Variants in RNF130 observed in about 807,000 individuals in gnomAD.
The protein encoded by RNF130 is ring finger protein 130.
In RNF130, 21 loss-of-function variants were observed where a neutral mutation model predicts 44.6. The observed-to-expected ratio is 0.47, with a 90% CI of 0.33 to 0.68. The LOEUF (loss-of-function observed/expected upper bound fraction) is 0.68. RNF130 is among the 30% of genes least tolerant of loss of function. The pLI is 0.02. For synonymous variants in RNF130, 214 were observed against 210.4 expected (o/e 1.02, Z -0.15); for missense variants, 479 against 560.6 (o/e 0.85, Z 1.47).
chr5:179,990,969 G>A (rs1471916832), intron 3 of RNF130, among the ~76,000 whole-genome samples: 1 of 152,078 alleles, frequency 6.6e-6, no homozygotes, highest in African/African-American at 2.4e-5. Context: ...TATTGGAATA[G>A]CTCGTGCCCT....
At chr5:180,045,715 G>A (rs1764549076) in intron 1 of RNF130, among the ~76,000 whole-genome samples, 1 of 152,202 alleles carries the variant, frequency 6.6e-6, no homozygotes, top group South Asian at 2.1e-4. Context: ...CCTTGAGTTA[G>A]ACACAGAGTG....
At chr5:179,981,374 G>A (rs1039925021) in intron 3 of RNF130, among the ~76,000 whole-genome samples, 1 of 152,206 alleles carries the variant, frequency 6.6e-6, no homozygotes, top group African/African-American at 2.4e-5. Context: ...GACGGAGCAA[G>A]GCGGGGACCA....
intron 7 of RNF130, among the ~76,000 whole-genome samples, chr5:179,931,725 A>G (rs1217055690): frequency 1.3e-5 from 2 of 151,890 alleles, no homozygotes; most frequent in African/African-American, 4.8e-5. Flanking sequence ...CAGTGAGCTG[A>G]GATGGTGCCA....
intron 1 of RNF130, among the ~76,000 whole-genome samples, chr5:180,056,512 C>T (rs939856572): frequency 2.0e-5 from 3 of 152,200 alleles, no homozygotes; most frequent in Middle Eastern, 3.4e-3. Context: ...GAGGGAAATG[C>T]CTCAGTTTCT....
At chr5:179,969,134 T>TAA (rs992804319) in intron 6 of RNF130, among the ~76,000 whole-genome samples, 2 of 152,204 alleles carry the variant, frequency 1.3e-5, no homozygotes, top group African/African-American at 4.8e-5. Context: ...CTTTCATTCT[T>TAA]TTTTGAGACC....
chr5:179,934,080 A>C, intron 7 of RNF130: 1 of 249,034 alleles, frequency 4.0e-6, no homozygotes, highest in Non-Finnish European at 7.8e-6. Context: ...TCATCACCGC[A>C]GTTAGAAACC....
chr5:179,992,928 A>T (rs942719650), intron 3 of RNF130, among the ~76,000 whole-genome samples: 2 of 152,050 alleles, frequency 1.3e-5, no homozygotes, highest in African/African-American at 2.4e-5. Context: ...CCTGTGTCCA[A>T]GTGTTCTCAT....
chr5:179,950,647 T>C (rs987714187), downstream of RNF130, among the ~76,000 whole-genome samples: 1 of 152,262 alleles, frequency 6.6e-6, no homozygotes, highest in Non-Finnish European at 1.5e-5. Context: ...AGTCCCAATC[T>C]ATCAATTCAC....
intron 8 of RNF130, chr5:179,955,906 G>A: frequency 9.8e-6 from 4 of 407,290 alleles, no homozygotes; most frequent in Non-Finnish European, 1.8e-5. Context: ...GAAGGAAAAG[G>A]TCAGGCCCAT....
At chr5:179,982,269 T>C (rs987545907) in intron 3 of RNF130, among the ~76,000 whole-genome samples, 1 of 151,482 alleles carries the variant, frequency 6.6e-6, no homozygotes, top group Non-Finnish European at 1.5e-5. Context: ...ACTGAAGAGA[T>C]GGCCCACAAT....
intron 7 of RNF130, among the ~76,000 whole-genome samples, chr5:179,932,360 C>T (rs1272798608): frequency 1.3e-5 from 2 of 151,960 alleles, no homozygotes; most frequent in Non-Finnish European, 2.9e-5. Context: ...CAGGTTCAAG[C>T]GATTCTCCTC....
chr5:179,974,288 G>A (rs143358591), intron 5 of RNF130, among the ~76,000 whole-genome samples: 44 of 152,218 alleles, frequency 2.9e-4, no homozygotes, highest in South Asian at 1.7e-3. Context: ...TCATCCACGC[G>A]GCAACTCCAC....
intron 7 of RNF130, among the ~76,000 whole-genome samples, chr5:179,945,201 A>C (rs1242261960): frequency 6.6e-6 from 1 of 152,058 alleles, no homozygotes. Context: ...GGGCTGCAGG[A>C]GTTCTCGCCC....
intron 1 of RNF130, among the ~76,000 whole-genome samples, chr5:180,056,263 A>C (rs1561710272): frequency 6.6e-6 from 1 of 152,108 alleles, no homozygotes; most frequent in African/African-American, 2.4e-5. Context: ...GAAAAAAAAA[A>C]AAACCCTAAT....
chr5:179,999,280 C>G (rs879798093), intron 3 of RNF130, among the ~76,000 whole-genome samples: 4 of 152,120 alleles, frequency 2.6e-5, no homozygotes, highest in Middle Eastern at 3.4e-3. Flanking sequence ...CTCGGCCTCC[C>G]GAAGTGCTGG....
At chr5:179,943,095 T>G (rs571991594) in intron 7 of RNF130, among the ~76,000 whole-genome samples, 1 of 152,300 alleles carries the variant, frequency 6.6e-6, no homozygotes, top group East Asian at 1.9e-4. Context: ...CTCAGGAGGC[T>G]GAGGTAGGAG....
exon 8 of RNF130, chr5:179,915,031 CTAAATAAAATTAAAAA>C (rs1554099136): frequency 6.6e-6 from 1 of 151,688 alleles, no homozygotes; most frequent in Non-Finnish European, 1.5e-5. Context: ...GACCCTGTCT[CTAAATAAAATTAAAAA>C]ACAGGCTGGT....
chr5:180,015,833 TA>T (rs1763714710), intron 2 of RNF130, among the ~76,000 whole-genome samples: 1 of 152,216 alleles, frequency 6.6e-6, no homozygotes, highest in African/African-American at 2.4e-5. Flanking sequence ...CAAAGAACAC[TA>T]AATAAGAACA....
intron 3 of RNF130, chr5:179,980,462 A>G (rs1315517363): frequency 4.9e-6 from 2 of 408,062 alleles, no homozygotes; most frequent in African/African-American, 4.0e-5. Context: ...GCAGTAAAAA[A>G]GTTAGGTGTC....
Sources: allele counts gnomAD v4.1 joint callset (sites outside exome capture counted in the v4.1 genomes callset), GRCh38; gene constraint gnomAD v4.1.1; transcripts MANE v1.5; gene names NCBI Gene and HGNC (gene_info 2026-07-23, HGNC 2026-07-21).